BMPR1A: variants seen among roughly 807,000 people sequenced by gnomAD.
The protein encoded by BMPR1A is bone morphogenetic protein receptor type 1A, also known as bone morphogenetic protein receptor type-1A.
In BMPR1A, 7 loss-of-function variants were observed where a neutral mutation model predicts 66.0. The ratio of observed to expected loss-of-function variants is 0.11; its 90% confidence interval spans 0.06 to 0.20. BMPR1A has a LOEUF of 0.20. Among genes scored for constraint, BMPR1A ranks in the 10% least tolerant of loss-of-function variants. BMPR1A has a pLI of 1.00. For synonymous variants in BMPR1A, 200 were observed against 229.7 expected, an observed-to-expected ratio of 0.87 and a Z score of 1.17; for missense variants, 408 against 669.1, an observed-to-expected ratio of 0.61 and a Z score of 4.31.
rs200528013 is a variant in BMPR1A, at chr10:86,758,367, A to ATTT, written c.-268+1463_-268+1465dup. Among the ~76,000 whole-genome samples, 1,380 of 141,024 alleles carry ATTT rather than the reference A, an allele frequency of 9.8e-3. 15 individuals are homozygous for ATTT. Among genetic ancestry groups the ATTT allele is most frequent in the Non-Finnish European group, 0.014 (902 of 64,724 alleles). 92.5% of individuals were successfully genotyped at this position (141,024 alleles called of 152,430 possible). A position where few individuals can be genotyped will look rare whatever the true frequency, so the allele number is the denominator to read the frequency against. ...CTTAACCTTCCGTCAAAGAGGGAGA[A>ATTT]TTTTTTTTTTTTTTTTTGTCTTTCT... On this transcript the variant is annotated intron_variant, in intron 1 of 12. Coordinates refer to ENST00000372037, the MANE Select transcript of BMPR1A (RefSeq NM_004329.3).
intron 2 of BMPR1A, 25 bp from the exon 3 acceptor site, chr10:86,875,841 AC>A: frequency 1.6e-6 from 1 of 644,232 alleles, no homozygotes; most frequent in Non-Finnish European, 2.7e-6. Context: ...TGTATTCCTT[AC>A]CTTTTAAATA....
intron 1 of BMPR1A, among the ~76,000 whole-genome samples, chr10:86,811,687 T>G (rs1041907271): frequency 2.6e-5 from 4 of 152,202 alleles, no homozygotes; most frequent in African/African-American, 9.7e-5. Context: ...AGACACACAA[T>G]GTGTGGTTGT....
At position 86,927,725 on chromosome 10, in the gene BMPR1A, T is replaced by C. The variant is rs1230750489; in HGVS notation, c.*4006T>C. On this transcript the variant is annotated 3_prime_UTR_variant, in exon 13 of 13. Coordinates refer to ENST00000372037, the MANE Select transcript of BMPR1A (RefSeq NM_004329.3). ...GTATATATTGTATAAAATGGAAATA[T>C]CATTATTGCTTCATTAGGGGAAACT... 2.0e-5 allele frequency: 4 copies of C among 199,040 alleles called. No homozygotes were observed. The highest frequency in any genetic ancestry group is 3.1e-5 in the Non-Finnish European group (3 of 96,514). 12.3% of individuals were successfully genotyped at this position (199,040 alleles called of 1,614,324 possible).
intron 1 of BMPR1A, among the ~76,000 whole-genome samples, chr10:86,790,234 T>TATATATATGTAA (rs1190481905): frequency 1.5e-4 from 7 of 48,016 alleles, no homozygotes; most frequent in Non-Finnish European, 3.0e-4. Context: ...TATATATATA[T>TATATATATGTAA]ATCAAAACCA....
chr10:86,769,528 G>A (rs1245297400), intron 1 of BMPR1A, among the ~76,000 whole-genome samples: 1 of 152,228 alleles, frequency 6.6e-6, no homozygotes, highest in Non-Finnish European at 1.5e-5. Context: ...GACTCCACAT[G>A]CTAAAGAAAG....
chr10:86,790,735 G>A (rs1416105604), intron 1 of BMPR1A, among the ~76,000 whole-genome samples: 3 of 152,094 alleles, frequency 2.0e-5, no homozygotes, highest in African/African-American at 4.8e-5. Context: ...TGAAAGGTCC[G>A]GAAAAGGTAA....
chr10:86,839,421 C>T (rs191329074), intron 2 of BMPR1A, among the ~76,000 whole-genome samples: 175 of 151,918 alleles, frequency 1.2e-3, no homozygotes, highest in Non-Finnish European at 1.6e-3. Context: ...GGCGAAATCT[C>T]GTCTCTACTA....
intron 2 of BMPR1A, among the ~76,000 whole-genome samples, chr10:86,870,240 T>A (rs1228909664): frequency 6.6e-6 from 1 of 152,198 alleles, no homozygotes; most frequent in Admixed American, 6.5e-5. Context: ...CAGAACCAAA[T>A]GCCCGTTAGA....
At chr10:86,791,507 C>A (rs773141980) in intron 1 of BMPR1A, among the ~76,000 whole-genome samples, 16 of 152,064 alleles carry the variant, frequency 1.1e-4, no homozygotes, top group Middle Eastern at 6.8e-3. Context: ...CCACCGCACC[C>A]AGCCCTCAGT....
intron 3 of BMPR1A, among the ~76,000 whole-genome samples, chr10:86,885,144 A>G (rs780894520): frequency 6.6e-6 from 1 of 152,244 alleles, no homozygotes; most frequent in Non-Finnish European, 1.5e-5. Context: ...TTTGCAAACT[A>G]TAGCCCACAA....
intron 2 of BMPR1A, among the ~76,000 whole-genome samples, chr10:86,857,148 C>T (rs1332446131): frequency 6.6e-6 from 1 of 152,148 alleles, no homozygotes; most frequent in Non-Finnish European, 1.5e-5. Context: ...TCAGTGTTCT[C>T]TCCTTTCTTC....
chr10:86,898,189 C>T (rs933548011), intron 5 of BMPR1A, among the ~76,000 whole-genome samples: 1 of 151,918 alleles, frequency 6.6e-6, no homozygotes, highest in Non-Finnish European at 1.5e-5. Flanking sequence ...CAAGTAGCCA[C>T]CACACCCAGT....
intron 3 of BMPR1A, among the ~76,000 whole-genome samples, chr10:86,876,737 A>C (rs1047047836): frequency 2.0e-5 from 3 of 152,158 alleles, no homozygotes; most frequent in East Asian, 1.9e-4. Flanking sequence ...GCACCAATGC[A>C]CTCTAGCCTG....
In BMPR1A at chr10:86,814,178, A is replaced by G. The variant is rs183217007; in HGVS notation, c.-267-24687A>G. Among the ~76,000 whole-genome samples, 3 of 152,170 alleles carry G rather than the reference A, an allele frequency of 2.0e-5. No homozygotes were observed. In the East Asian group the frequency reaches 5.8e-4, roughly 29 times the overall value. On this transcript the variant is annotated intron_variant, in intron 1 of 12. Transcript: ENST00000372037. The stretch of plus-strand genomic sequence containing the variant: ...TGTGTGCCTTAAATATGTAGTTTCT[A>G]ATTTTTTTCTGGTGTCCTGGCATGT...
At position 86,838,997 on chromosome 10, in the gene BMPR1A, A is replaced by C. The variant is rs994373953; in HGVS notation, c.-153+18A>C. 7 of 152,168 alleles carry C rather than the reference A, an allele frequency of 4.6e-5. No individual in the cohort carries two copies. The highest frequency in any genetic ancestry group is 9.7e-5 in the African/African-American group (4 of 41,444). The allele number at this position is 152,168 out of a possible 1,614,324, so 9.4% of individuals were successfully genotyped here. A position where few individuals can be genotyped will look rare whatever the true frequency, so the allele number is the denominator to read the frequency against. On this transcript the variant is annotated intron_variant, in intron 2 of 12. Transcript: ENST00000372037. Reference sequence around the variant, plus strand: ...TCTTGGAGGTAAGGAAAAGAACATAATTTAGAATAATATGAAATTTCTCAT... The same window carrying C: ...TCTTGGAGGTAAGGAAAAGAACATACTTTAGAATAATATGAAATTTCTCAT...
In BMPR1A at chr10:86,917,206, A is replaced by G. The variant is rs762087997; in HGVS notation, c.748A>G (p.Met250Val). 6.2e-7 allele frequency: 1 copy of G among 1,614,082 alleles called. No homozygotes were observed. The highest frequency in any genetic ancestry group is 8.5e-7 in the Non-Finnish European group (1 of 1,179,978). The change falls in exon 9 of 13, where the codon ATG (methionine) becomes GTG (valine). Residue 250 changes from methionine to valine, a missense_variant. Around this residue, in one of 5 missense-constraint regions of BMPR1A, gnomAD observed 174 missense variants for 265.1 expected, o/e 0.66. Coordinates refer to ENST00000372037, the MANE Select transcript of BMPR1A (RefSeq NM_004329.3). ...VGKGRYGEVW[M>V]GKWRGEKVAV... ...TAAAGGCCGATATGGAGAAGTATGG[A>G]TGGGCAAATGGCGTGGCGAAAAAGT... is the stretch of plus-strand genomic sequence containing the variant.
intron 1 of BMPR1A, among the ~76,000 whole-genome samples, chr10:86,804,795 T>G (rs1841865791): frequency 8.1e-6 from 1 of 122,810 alleles, no homozygotes; most frequent in East Asian, 2.6e-4. Flanking sequence ...TGTAGGTGTT[T>G]TTTTTTTTTT....
At chr10:86,818,803 C>G (rs939835463) in intron 1 of BMPR1A, among the ~76,000 whole-genome samples, 4 of 152,172 alleles carry the variant, frequency 2.6e-5, no homozygotes, top group African/African-American at 9.7e-5. Context: ...CTGCCACCCA[C>G]TTTATTTGAC....
chr10:86,809,771 A>G (rs1169736677), intron 1 of BMPR1A, among the ~76,000 whole-genome samples: 1 of 151,814 alleles, frequency 6.6e-6, no homozygotes, highest in Non-Finnish European at 1.5e-5. Flanking sequence ...CCCATTAAAC[A>G]ATAACTCTGT....
Sources: gnomAD v4.1 joint callset for allele counts (sites outside exome capture counted in the v4.1 genomes callset) on GRCh38, gnomAD v4.1.1 for gene constraint, gnomAD v4.1.1 regional missense constraint, MANE v1.5 for transcripts, NCBI Gene and HGNC (gene_info 2026-07-23, HGNC 2026-07-21) for gene names.